Variants in ASPH observed in about 807,000 individuals in gnomAD.
ASPH encodes aspartyl/asparaginyl beta-hydroxylase.
In ASPH, 100 loss-of-function variants were observed where a neutral mutation model predicts 118.4. The ratio of observed to expected loss-of-function variants is 0.84; its 90% CI spans 0.72 to 1.00. The LOEUF is 1.00. Among genes scored for constraint, ASPH ranks in the 50% least tolerant of loss-of-function variants. The pLI is 0.00. For missense variants in ASPH, 920 were observed against 919.5 expected, an observed-to-expected ratio of 1.00 and a Z score of -0.01; for synonymous variants, 315 against 325.6, an observed-to-expected ratio of 0.97 and a Z score of 0.35.
chr8:61,634,626 T>C (rs909725255), intron 12 of ASPH, among the ~76,000 whole-genome samples: 5 of 152,206 alleles, frequency 3.3e-5, no homozygotes. Flanking sequence ...CTGGCAATAT[T>C]TTCTTCTTAT....
At chr8:61,575,409 G>A (rs1563877875) in intron 16 of ASPH, among the ~76,000 whole-genome samples, 1 of 152,098 alleles carries the variant, frequency 6.6e-6, no homozygotes, top group Non-Finnish European at 1.5e-5. Context: ...TCTGTTGGCT[G>A]TTCTCTGTTT....
intron 15 of ASPH, among the ~76,000 whole-genome samples, chr8:61,582,430 A>C (rs1402128518): frequency 6.6e-6 from 1 of 152,214 alleles, no homozygotes; most frequent in African/African-American, 2.4e-5. Flanking sequence ...TGGCAGAAAA[A>C]GATTATTGCT....
At chr8:61,619,080 T>C (rs1850003605) in intron 13 of ASPH, 61 bp from the exon 14 acceptor site, 2 of 1,141,538 alleles carry the variant, frequency 1.8e-6, no homozygotes, top group East Asian at 2.4e-5. Context: ...TATCTCAAAA[T>C]ATAGGACAAT....
At chr8:61,575,387 C>T (rs1270875757) in intron 16 of ASPH, among the ~76,000 whole-genome samples, 1 of 152,154 alleles carries the variant, frequency 6.6e-6, no homozygotes, top group East Asian at 1.9e-4. Context: ...ACCACGTCGA[C>T]CCCCTCACAT....
chr8:61,673,005 C>CTGGA (rs1467236079), intron 3 of ASPH, among the ~76,000 whole-genome samples: 1 of 152,160 alleles, frequency 6.6e-6, no homozygotes, highest in African/African-American at 2.4e-5. Context: ...TGTGCTAGAT[C>CTGGA]TAATTTTTTG....
intron 15 of ASPH, chr8:61,578,142 G>A: frequency 1.4e-6 from 2 of 1,442,848 alleles, no homozygotes; most frequent in Non-Finnish European, 1.8e-6. Context: ...GGGAGAAATT[G>A]GACCAAGAAG....
intron 24 of ASPH, among the ~76,000 whole-genome samples, chr8:61,513,751 C>G (rs73259398): frequency 0.016 from 2,413 of 152,286 alleles, 61 homozygotes; most frequent in African/African-American, 0.055. Flanking sequence ...AACTGAGGGG[C>G]TGCCAAGTTA....
At position 61,630,213 on chromosome 8, in the gene ASPH, G is replaced by A. The variant is rs745936393; in HGVS notation, c.934+3470C>T. 7.9e-5 allele frequency among the ~76,000 whole-genome samples: 12 copies of A among 152,180 alleles called. No homozygotes were observed. The South Asian group carries it at 1.5e-3, about 18-fold the overall frequency. On this transcript the variant is annotated intron_variant, in intron 13 of 24. Transcript: ENST00000379454. ...GATAATCAGAGAAGGCAAATCAATC[G>A]TCAATTAGGTTCCAAGGGAAAAGAA...
At chr8:61,667,714 T>C (rs1051820181) in intron 3 of ASPH, among the ~76,000 whole-genome samples, 1 of 152,224 alleles carries the variant, frequency 6.6e-6, no homozygotes, top group Non-Finnish European at 1.5e-5. Flanking sequence ...TCTATGTCAA[T>C]GTAATGTAGG....
intron 14 of ASPH, among the ~76,000 whole-genome samples, chr8:61,588,870 C>T (rs963652026): frequency 5.3e-5 from 8 of 152,154 alleles, no homozygotes; most frequent in Non-Finnish European, 1.0e-4. Flanking sequence ...AGAGAAAACC[C>T]GATGTCCATC....
At chr8:61,682,380 AAGGATG>A in intron 2 of ASPH, 1 of 1,513,404 alleles carries the variant, frequency 6.6e-7, no homozygotes, top group African/African-American at 1.4e-5. Context: ...TTAGTAGAAA[AAGGATG>A]AGCCATTAGA....
intron 3 of ASPH, among the ~76,000 whole-genome samples, chr8:61,671,410 T>C (rs1223309995): frequency 1.3e-5 from 2 of 152,166 alleles, no homozygotes; most frequent in Non-Finnish European, 2.9e-5. Context: ...TCAAAAATAG[T>C]TTCCAAGTAG....
chr8:61,580,794 A>C (rs1364051227), intron 15 of ASPH, among the ~76,000 whole-genome samples: 1 of 152,192 alleles, frequency 6.6e-6, no homozygotes, highest in Non-Finnish European at 1.5e-5. Flanking sequence ...ATGAGGAAAC[A>C]TGATTGCATT....
rs553357515 is a variant in ASPH at position 61,711,054 on chromosome 8, T to C, written c.103+3215A>G. ...GAGTTTTTAAGTGCTTATCTATCAA[T>C]AGTTTTGAGTATATACAGACGGATT... is the stretch of plus-strand genomic sequence containing the variant. On this transcript the variant is annotated intron_variant, in intron 1 of 24. Transcript: ENST00000379454. Among the ~76,000 whole-genome samples, 71 of 147,482 alleles carry C rather than the reference T, an allele frequency of 4.8e-4. 1 individual carries two copies. In the Middle Eastern group the frequency reaches 0.027, roughly 57 times the overall value.
intron 21 of ASPH, among the ~76,000 whole-genome samples, chr8:61,540,408 C>A (rs1563748672): frequency 6.6e-6 from 1 of 152,066 alleles, no homozygotes; most frequent in Non-Finnish European, 1.5e-5. Context: ...CCTCACCTGC[C>A]CCAGCTCTCT....
At chr8:61,546,647 T>C (rs1417736769) in intron 21 of ASPH, among the ~76,000 whole-genome samples, 3 of 152,196 alleles carry the variant, frequency 2.0e-5, no homozygotes, top group East Asian at 1.9e-4. Flanking sequence ...TATTTTACAA[T>C]TGGATTATGA....
chr8:61,619,136 G>C lies in ASPH; in HGVS notation c.935-117C>G, dbSNP rs991061981. 4.7e-6 allele frequency: 3 copies of C among 639,348 alleles called. No individual in the cohort carries two copies. The African/African-American group carries it at 5.7e-5, about 12-fold the overall frequency. The allele number at this position is 639,348 out of a possible 1,614,324, so 39.6% of individuals were successfully genotyped here. A position where few individuals can be genotyped will look rare whatever the true frequency, so the allele number is the denominator to read the frequency against. On this transcript the variant is annotated intron_variant, in intron 13 of 24. Transcript: ENST00000379454. ...TATAATCAAAGAAAAATATATCTGA[G>C]CATACAATTCAATTTTCCTAAATCC...
intron 3 of ASPH, among the ~76,000 whole-genome samples, chr8:61,666,499 A>C (rs1819677890): frequency 6.6e-6 from 1 of 152,220 alleles, no homozygotes; most frequent in South Asian, 2.1e-4. Context: ...AAACAAAGAA[A>C]ATGAAATATT....
chr8:61,532,496 A>G (rs898617343), intron 21 of ASPH, among the ~76,000 whole-genome samples: 1 of 151,878 alleles, frequency 6.6e-6, no homozygotes, highest in Non-Finnish European at 1.5e-5. Flanking sequence ...TTTTCATTTT[A>G]TTGTTTCTTT....
Sources: allele counts gnomAD v4.1 joint callset (sites outside exome capture counted in the v4.1 genomes callset), GRCh38; gene constraint gnomAD v4.1.1; transcripts MANE v1.5; gene names NCBI Gene and HGNC (gene_info 2026-07-23, HGNC 2026-07-21).